HYDIN: variants seen among roughly 807,000 people sequenced by gnomAD.
The protein encoded by HYDIN is HYDIN axonemal central pair apparatus protein, also known as axonemal central pair apparatus protein HYDIN.
Under a neutral mutation model 403.9 loss-of-function variants are expected in HYDIN, and 132 were observed. The observed-to-expected ratio is 0.33, with a 90% CI of 0.28 to 0.38. HYDIN has a LOEUF of 0.38. Ranked by LOEUF, HYDIN falls within the 10% of genes least tolerant of loss-of-function variation. HYDIN has a pLI of 1.00. For synonymous variants in HYDIN, 1,202 were observed against 1,891.7 expected (o/e 0.64, Z 9.46); for missense variants, 2,827 against 5,009.5 (o/e 0.56, Z 13.15).
intron 1 of HYDIN, among the ~76,000 whole-genome samples, chr16:71,221,349 C>G (rs1028723261): frequency 6.6e-6 from 1 of 151,942 alleles, no homozygotes; most frequent in African/African-American, 2.4e-5. Flanking sequence ...GCTCCAAAAG[C>G]CTCAAAGTAT....
intron 9 of HYDIN, 84 bp from the exon 10 acceptor site, chr16:71,115,879 T>TA (rs1161499623): frequency 2.3e-6 from 2 of 856,516 alleles, no homozygotes; most frequent in Non-Finnish European, 3.7e-6. Context: ...AAAACTCCAA[T>TA]AAATTTTTTT....
At position 71,129,691 on chromosome 16, in the gene HYDIN, C is replaced by T. The variant is rs759056337; in HGVS notation, c.1176G>A (p.Val392=). The part of the protein sequence containing the change: ...SRTFANQRRL[V]QGDSKLFFNN... ...TGAAGAACAGCTTGCTGTCTCCCTG[C>T]ACCAGCCTCCTCTGATTCGCAAAGG... is the stretch of plus-strand genomic sequence containing the variant. Residue 392 remains valine, a synonymous_variant, in exon 9 of 86, where the codon GTG becomes GTA. Transcript: ENST00000393567. The T allele has an allele frequency of 1.2e-5, 20 of 1,614,110 alleles. No individual in the cohort carries two copies. The Admixed American group carries it at 3.2e-4, about 26-fold the overall frequency.
At chr16:70,955,880 G>A (rs1449524036) in intron 39 of HYDIN, among the ~76,000 whole-genome samples, 5 of 152,110 alleles carry the variant, frequency 3.3e-5, no homozygotes, top group East Asian at 1.9e-4. Context: ...GTGCAGTGGC[G>A]AGATCTCAGC....
chr16:70,971,036 G>A (rs2078717244), intron 35 of HYDIN, among the ~76,000 whole-genome samples: 1 of 152,190 alleles, frequency 6.6e-6, no homozygotes, highest in Non-Finnish European at 1.5e-5. Context: ...CAAGCCCTCT[G>A]AGTATCACTT....
intron 15 of HYDIN, chr16:71,067,015 C>T (rs1467447595): frequency 4.5e-6 from 3 of 659,836 alleles, no homozygotes; most frequent in Non-Finnish European, 8.1e-6. Flanking sequence ...CTTTGAAAGT[C>T]AAACCCGTTA....
intron 84 of HYDIN, among the ~76,000 whole-genome samples, chr16:70,813,178 C>T (rs2035615580): frequency 6.6e-6 from 1 of 152,144 alleles, no homozygotes; most frequent in Non-Finnish European, 1.5e-5. Flanking sequence ...GTCTTGAACT[C>T]CTGACCTTGT....
chr16:71,122,708 T>C (rs1057132252), intron 9 of HYDIN, among the ~76,000 whole-genome samples: 1 of 150,328 alleles, frequency 6.7e-6, no homozygotes, highest in African/African-American at 2.5e-5. Flanking sequence ...AACAGCACGT[T>C]TTCTGCAGGC....
intron 58 of HYDIN, among the ~76,000 whole-genome samples, chr16:70,885,556 G>C (rs1363442401): frequency 3.3e-5 from 5 of 152,054 alleles, no homozygotes; most frequent in Non-Finnish European, 5.9e-5. Flanking sequence ...GAAGCAGTCA[G>C]AGAAAGAGGT....
At chr16:70,896,727 A>G (rs986665723) in intron 53 of HYDIN, among the ~76,000 whole-genome samples, 1 of 135,522 alleles carries the variant, frequency 7.4e-6, no homozygotes, top group African/African-American at 2.9e-5. Context: ...TTGAAATGGA[A>G]AACCTTCATG....
At chr16:70,894,600 G>C (rs910299047) in intron 54 of HYDIN, 52 bp from the exon 55 acceptor site, 27 of 1,051,642 alleles carry the variant, frequency 2.6e-5, no homozygotes, top group Non-Finnish European at 3.0e-5. Context: ...ATGAGAGTGG[G>C]AAGCAGGGGA....
chr16:71,043,727 T>C (rs2081360641), intron 18 of HYDIN, among the ~76,000 whole-genome samples: 1 of 152,070 alleles, frequency 6.6e-6, no homozygotes, highest in Non-Finnish European at 1.5e-5. Context: ...CATTTTTATG[T>C]TTTTGGTTTC....
intron 44 of HYDIN, among the ~76,000 whole-genome samples, chr16:70,937,505 A>ATT (rs1218912759): frequency 6.6e-6 from 1 of 151,104 alleles, no homozygotes; most frequent in African/African-American, 2.4e-5. Flanking sequence ...ATACAAAAAA[A>ATT]TTGGCCGGGC....
intron 1 of HYDIN, among the ~76,000 whole-genome samples, chr16:71,194,439 C>T (rs2087593902): frequency 6.6e-6 from 1 of 152,118 alleles, no homozygotes; most frequent in South Asian, 2.1e-4. Context: ...TTTTGTTTTC[C>T]TCTCAGAAAG....
At chr16:71,055,085 C>A (rs1247608769) in intron 18 of HYDIN, among the ~76,000 whole-genome samples, 2 of 152,410 alleles carry the variant, frequency 1.3e-5, no homozygotes, top group Non-Finnish European at 2.9e-5. Flanking sequence ...GGTGTGTCTA[C>A]CTTAAAGGGT....
Position 70,863,134 on chromosome 16 carries a change from G to C in HYDIN, c.11520C>G (p.Val3840=). 6.2e-7 allele frequency: 1 copy of C among 1,614,082 alleles called. No homozygotes were observed. The highest frequency in any genetic ancestry group is 8.5e-7 in the Non-Finnish European group (1 of 1,180,006). ...TGACTGCCTTTGAGGTATCTTCTGA[G>C]ACCCAGCTGAATTCCAGCTGGACAC... ...SGRVQLEFSW[V]SEDTSKAVSF... is the part of the protein sequence containing the mutation. Residue 3840 remains valine (V), a synonymous_variant, in exon 68 of 86, where the codon GTC becomes GTG. Coordinates refer to ENST00000393567, the MANE Select transcript of HYDIN (RefSeq NM_001270974.2).
intron 83 of HYDIN, among the ~76,000 whole-genome samples, chr16:70,821,672 C>A (rs1567656349): frequency 6.6e-6 from 1 of 151,924 alleles, no homozygotes; most frequent in Non-Finnish European, 1.5e-5. Context: ...CTGATGTGTA[C>A]AGGCATAGTT....
intron 23 of HYDIN, among the ~76,000 whole-genome samples, chr16:71,016,833 T>C (rs2080274836): frequency 6.6e-6 from 1 of 152,164 alleles, no homozygotes; most frequent in Non-Finnish European, 1.5e-5. Flanking sequence ...TGGATGAACC[T>C]TGAGGACATT....
rs566975470 is a variant in HYDIN, at chr16:71,195,253, T to A, written c.-23-8335A>T. ...TGTTATTGTTAGCAGAAAGTTTGGT[T>A]TAAAAAAAAAAAAAAGAAAAGAAAA... is the stretch of plus-strand genomic sequence containing the variant. On this transcript the variant is annotated intron_variant, in intron 1 of 85. Transcript: ENST00000393567. Among the ~76,000 whole-genome samples, 6 of 151,034 alleles carry A rather than the reference T, an allele frequency of 4.0e-5. No individual in the cohort carries two copies. In the East Asian group the frequency reaches 1.2e-3, roughly 29 times the overall value.
At chr16:70,840,812 G>A (rs1412193156) in intron 75 of HYDIN, among the ~76,000 whole-genome samples, 1 of 151,542 alleles carries the variant, frequency 6.6e-6, no homozygotes, top group African/African-American at 2.4e-5. Context: ...AGGAGAACAA[G>A]GCTAATATGC....
Sources: gnomAD v4.1 joint callset for allele counts (sites outside exome capture counted in the v4.1 genomes callset) on GRCh38, gnomAD v4.1.1 for gene constraint, MANE v1.5 for transcripts, NCBI Gene and HGNC (gene_info 2026-07-23, HGNC 2026-07-21) for gene names.